BEST1: variants seen among roughly 807,000 people sequenced by gnomAD.
BEST1 encodes the protein bestrophin-1.
Under a neutral mutation model 63.3 loss-of-function variants are expected in BEST1, and 58 were observed. The observed-to-expected ratio is 0.92, with a 90% CI of 0.74 to 1.14. The LOEUF (loss-of-function observed/expected upper bound fraction) is 1.14, where lower values mean the gene tolerates loss of function less well. BEST1 is among the 50% of genes most tolerant of loss of function. BEST1 has a pLI of 0.00. For missense variants in BEST1, 671 were observed against 740.1 expected, an observed-to-expected ratio of 0.91 and a Z score of 1.08; for synonymous variants, 283 against 291.6, an observed-to-expected ratio of 0.97 and a Z score of 0.30.
chr11:61,964,918 G>A, downstream of BEST1: 4 of 1,613,254 alleles, frequency 2.5e-6, no homozygotes, highest in Non-Finnish European at 3.4e-6. Context: ...AAGACAGTTA[G>A]TGGGCAGCTT....
At position 61,964,105 on chromosome 11, in the gene BEST1, G is replaced by A; in HGVS notation, c.1741G>A (p.Asp581Asn). 1.2e-6 allele frequency: 2 copies of A among 1,613,806 alleles called. No homozygotes were observed. The highest frequency in any genetic ancestry group is 1.7e-6 in the Non-Finnish European group (2 of 1,179,894). Residue 581 changes from aspartate (D) to asparagine (N), a missense_variant and splice_region_variant, in exon 11 of 11, where the codon GAT (aspartate) becomes AAT (asparagine). Transcript: ENST00000378043. ...TGTTAATACTTTCATTCTCACTAGGGATGAAGCACATTCCTAACCTGCTTC... is the reference window on the plus strand; with the variant it reads ...TGTTAATACTTTCATTCTCACTAGGAATGAAGCACATTCCTAACCTGCTTC... ...MDPYWALENRDEAHS is the reference protein window; with the variant it reads ...MDPYWALENRNEAHS
In BEST1 at chr11:61,958,426, G is replaced by A. The variant is rs1185541732; in HGVS notation, c.867+128G>A. 4 of 1,553,948 alleles carry A rather than the reference G, an allele frequency of 2.6e-6. No individual in the cohort carries two copies. The Admixed American group carries it at 5.8e-5, about 22-fold the overall frequency. ...CGGGTAGAAAGCAGCCAGGCGTGGT[G>A]GCGCACACCTGTAATCCCAGCTACT... On this transcript the variant is annotated intron_variant, in intron 7 of 10. Coordinates refer to ENST00000378043, the MANE Select transcript of BEST1 (RefSeq NM_004183.4).
chr11:61,962,621 TCA>T lies in BEST1; in HGVS notation c.1470_1471del (p.His490GlnfsTer24), dbSNP rs281865528. The T allele has an allele frequency of 2.2e-5, 36 of 1,613,966 alleles. No homozygotes were observed. Among genetic ancestry groups the T allele is most frequent in the African/African-American group, 5.3e-5 (4 of 74,862 alleles). On this transcript the variant is annotated frameshift_variant, in exon 10 of 11. Coordinates refer to ENST00000378043, the MANE Select transcript of BEST1 (RefSeq NM_004183.4). LOFTEE classifies it high-confidence loss of function. ...TAGAACCATCAGCGCCGTCAAAGCT[TCA>T]CAGTGTCACAGGCATAGACACCAAA... is the stretch of plus-strand genomic sequence containing the variant. ...PLEPSAPSKL[H>X]SVTGIDTKDK...
intron 2 of BEST1, among the ~76,000 whole-genome samples, chr11:61,952,290 T>A (rs181659498): frequency 7.4e-6 from 1 of 134,294 alleles, no homozygotes; most frequent in Non-Finnish European, 1.6e-5. Flanking sequence ...TAGGCCCACA[T>A]AGTACATTAA....
chr11:61,955,954 G>A lies in BEST1; in HGVS notation c.481+3G>A, dbSNP rs745906498. 2.5e-5 allele frequency: 39 copies of A among 1,545,140 alleles called. No homozygotes were observed. The highest frequency in any genetic ancestry group is 4.1e-5 in the African/African-American group (3 of 72,956). On this transcript the variant is annotated splice_donor_region_variant and intron_variant, in intron 4 of 10. Transcript: ENST00000378043. ...CGCCCAGCACCTGGTGCAAGCAGGT[G>A]GGCGGACCGGGAGCAACGGGGAGGC...
At chr11:61,965,447 A>C, downstream of BEST1, 4 of 1,612,090 alleles carry the variant, frequency 2.5e-6, no homozygotes, top group Non-Finnish European at 3.4e-6. Flanking sequence ...CCCTCTCCTC[A>C]TGAGATTGGT....
chr11:61,964,219 T>C lies in BEST1; in HGVS notation c.*97T>C. 1 of 1,596,470 alleles carries C rather than the reference T, an allele frequency of 6.3e-7. No homozygotes were observed. The highest frequency in any genetic ancestry group is 8.5e-7 in the Non-Finnish European group (1 of 1,172,048). On this transcript the variant is annotated 3_prime_UTR_variant, in exon 11 of 11. Coordinates refer to ENST00000378043, the MANE Select transcript of BEST1 (RefSeq NM_004183.4). ...GTCACAGCCATACAGCTGTCCACAC[T>C]GAAGAACATGTCCTACAACAGCCTG...
intron 10 of BEST1, 154 bp downstream of exon 10, chr11:61,963,047 C>T (rs1209437620): frequency 5.9e-6 from 9 of 1,522,154 alleles, no homozygotes; most frequent in Non-Finnish European, 8.0e-6. Context: ...GGGGTATATA[C>T]TTGGCCACCT....
At chr11:61,959,470 G>A (rs1428237091) in intron 7 of BEST1, 28 bp from the exon 8 acceptor site, 16 of 1,611,734 alleles carry the variant, frequency 9.9e-6, no homozygotes, top group Non-Finnish European at 1.2e-5. Flanking sequence ...TCTGCCTGAG[G>A]GTTTACAGAG....
chr11:61,952,898 G>A (rs982155075), intron 2 of BEST1, among the ~76,000 whole-genome samples: 3 of 151,418 alleles, frequency 2.0e-5, no homozygotes, highest in African/African-American at 4.8e-5. Context: ...ACTTGAGCCT[G>A]GGAGTTCAGC....
At chr11:61,962,125 C>A in intron 9 of BEST1, 130 bp from the exon 10 acceptor site, 3 of 896,746 alleles carry the variant, frequency 3.3e-6, no homozygotes, top group South Asian at 1.5e-5. Flanking sequence ...AGAGCTGGGG[C>A]ATGGTGAGGA....
At chr11:61,957,758 C>G (rs994490405) in intron 6 of BEST1, among the ~76,000 whole-genome samples, 1 of 152,144 alleles carries the variant, frequency 6.6e-6, no homozygotes, top group African/African-American at 2.4e-5. Flanking sequence ...AGGTGGATCA[C>G]CTGAGGTCAG....
intron 6 of BEST1, 110 bp downstream of exon 6, chr11:61,957,574 A>G (rs1591292135): frequency 9.8e-7 from 1 of 1,021,010 alleles, no homozygotes; most frequent in African/African-American, 1.6e-5. Flanking sequence ...CTCCCCTGGG[A>G]GTTGGGTCCA....
chr11:61,955,752 G>C lies in BEST1; in HGVS notation c.282G>C (p.Trp94Cys), dbSNP rs1255521187. 1 of 1,548,638 alleles carries C rather than the reference G, an allele frequency of 6.5e-7. No individual in the cohort carries two copies. The highest frequency in any genetic ancestry group is 2.0e-5 in the Admixed American group (1 of 51,008). Reference sequence around the variant, plus strand: ...TGACGCTGGTCGTGACCCGCTGGTGGAACCAGTACGAGAACCTGCCGTGGC... The same window carrying C: ...TGACGCTGGTCGTGACCCGCTGGTGCAACCAGTACGAGAACCTGCCGTGGC... ...FYVTLVVTRW[W>C]NQYENLPWPD... Residue 94 changes from tryptophan to cysteine, a missense_variant, in exon 4 of 11, where the codon TGG becomes TGC. Transcript: ENST00000378043.
chr11:61,962,779 C>A lies in BEST1; in HGVS notation c.1625C>A (p.Thr542Lys), dbSNP rs543908813. The A allele has an allele frequency of 1.9e-6, 3 of 1,614,184 alleles. No homozygotes were observed. The highest frequency in any genetic ancestry group is 2.5e-6 in the Non-Finnish European group (3 of 1,180,032). Reference protein sequence around the residue: ...VRRKTVEFNLTDMPEIPENHL... With the variant: ...VRRKTVEFNLKDMPEIPENHL... ...AGGAAAACTGTGGAGTTTAACCTGACGGATATGCCAGAGATCCCCGAAAAT... is the reference window on the plus strand; with the variant it reads ...AGGAAAACTGTGGAGTTTAACCTGAAGGATATGCCAGAGATCCCCGAAAAT... Residue 542 changes from threonine (T) to lysine (K), a missense_variant, in exon 10 of 11, where the codon ACG (threonine) becomes AAG (lysine). By Grantham distance (78) the Thr-to-Lys change is moderately conservative (BLOSUM62 -1). Transcript: ENST00000378043.
intron 4 of BEST1, among the ~76,000 whole-genome samples, chr11:61,956,469 T>C (rs1167927701): frequency 2.0e-5 from 3 of 151,954 alleles, no homozygotes; most frequent in Non-Finnish European, 4.4e-5. Flanking sequence ...CTGAGCAACA[T>C]AGCGAGACCC....
chr11:61,957,544 C>T (rs1160226878), intron 6 of BEST1, 80 bp downstream of exon 6: 2 of 1,396,880 alleles, frequency 1.4e-6, no homozygotes, highest in African/African-American at 3.1e-5. Context: ...GTGGGAAGGG[C>T]TCACCTAGAG....
At position 61,958,318 on chromosome 11, in the gene BEST1, T is replaced by C; in HGVS notation, c.867+20T>C. Reference sequence around the variant, plus strand: ...CTGAAGGTGGGCCTCTCCAGGGCCCTGCTGGGCTGGAGGCATGGCCAGAGG... The same window carrying C: ...CTGAAGGTGGGCCTCTCCAGGGCCCCGCTGGGCTGGAGGCATGGCCAGAGG... On this transcript the variant is annotated intron_variant, in intron 7 of 10. Coordinates refer to ENST00000378043, the MANE Select transcript of BEST1 (RefSeq NM_004183.4). 1.2e-6 allele frequency: 2 copies of C among 1,614,210 alleles called. No homozygotes were observed. Among genetic ancestry groups the C allele is most frequent in the Non-Finnish European group, 1.7e-6 (2 of 1,180,032 alleles).
At chr11:61,960,245 C>A in intron 9 of BEST1, 1 of 747,632 alleles carries the variant, frequency 1.3e-6, no homozygotes, top group Non-Finnish European at 2.1e-6. Flanking sequence ...AATTAAAGTA[C>A]AGGTTCAGAG....
Sources: allele counts gnomAD v4.1 joint callset (sites outside exome capture counted in the v4.1 genomes callset), GRCh38; gene constraint gnomAD v4.1.1; transcripts MANE v1.5; gene names NCBI Gene and HGNC (gene_info 2026-07-23, HGNC 2026-07-21).